The following PTPRK variants were observed in gnomAD, a reference collection of about 807,000 sequenced individuals.
PTPRK encodes the protein receptor-type tyrosine-protein phosphatase kappa.
In PTPRK, 75 loss-of-function variants were observed where a neutral mutation model predicts 178.0. The observed-to-expected ratio is 0.42, with a 90% CI of 0.35 to 0.51. The LOEUF is 0.51. Among genes scored for constraint, PTPRK ranks in the 20% least tolerant of loss-of-function variants. The pLI is 0.02. For missense variants in PTPRK, 1,441 were observed against 1,797.8 expected (o/e 0.80, Z 3.59); for synonymous variants, 637 against 620.6 (o/e 1.03, Z -0.39).
chr6:128,087,463 T>C (rs1017367256), intron 8 of PTPRK, among the ~76,000 whole-genome samples: 2 of 152,192 alleles, frequency 1.3e-5, no homozygotes, highest in African/African-American at 4.8e-5. Flanking sequence ...TTTGGAGCTA[T>C]TGAATCTGTA....
At chr6:128,260,429 C>T (rs549364438) in intron 3 of PTPRK, among the ~76,000 whole-genome samples, 70 of 152,114 alleles carry the variant, frequency 4.6e-4, no homozygotes, top group African/African-American at 1.6e-3. Flanking sequence ...GAGAAGATGG[C>T]CTTTATCATT....
chr6:128,130,002 TG>T (rs1793967572), intron 7 of PTPRK, among the ~76,000 whole-genome samples: 1 of 152,144 alleles, frequency 6.6e-6, no homozygotes, highest in South Asian at 2.1e-4. Flanking sequence ...TTGCCAGTTC[TG>T]AATGTACTAC....
At chr6:128,337,507 T>A (rs1831100605) in intron 2 of PTPRK, among the ~76,000 whole-genome samples, 1 of 152,172 alleles carries the variant, frequency 6.6e-6, no homozygotes, top group Non-Finnish European at 1.5e-5. Context: ...ACAATAAACT[T>A]ATCTCCCTTA....
At chr6:128,368,845 T>C (rs1312273264) in intron 2 of PTPRK, among the ~76,000 whole-genome samples, 1 of 152,144 alleles carries the variant, frequency 6.6e-6, no homozygotes, top group East Asian at 1.9e-4. Flanking sequence ...AATAATGGTC[T>C]TTAAAATTCA....
intron 3 of PTPRK, among the ~76,000 whole-genome samples, chr6:128,264,718 T>C (rs946315220): frequency 6.6e-6 from 1 of 152,254 alleles, no homozygotes; most frequent in East Asian, 1.9e-4. Flanking sequence ...GGTGTTAATA[T>C]GGTTTGGTTG....
intron 2 of PTPRK, among the ~76,000 whole-genome samples, chr6:128,396,581 A>T (rs939231581): frequency 1.3e-5 from 2 of 152,146 alleles, no homozygotes; most frequent in African/African-American, 4.8e-5. Flanking sequence ...AATGGTATGT[A>T]AATATTGACA....
rs565865790 is a variant in PTPRK at position 128,343,252 on chromosome 6, C to T, written c.224-20942G>A. Among the ~76,000 whole-genome samples, 16 of 152,104 alleles carry T rather than the reference C, an allele frequency of 1.1e-4. No individual in the cohort carries two copies. The South Asian group carries it at 3.3e-3, about 32-fold the overall frequency. Reference sequence around the variant, plus strand: ...GCGCAGTGGCTCACGCCTGTCCCAGCACTTTGGGAGGCTGAGGCAGGTGGA... The same window carrying T: ...GCGCAGTGGCTCACGCCTGTCCCAGTACTTTGGGAGGCTGAGGCAGGTGGA... On this transcript the variant is annotated intron_variant, in intron 2 of 29. Coordinates refer to ENST00000368226, the MANE Select transcript of PTPRK (RefSeq NM_002844.4).
At chr6:128,244,240 G>C (rs946766826) in intron 3 of PTPRK, among the ~76,000 whole-genome samples, 7 of 152,186 alleles carry the variant, frequency 4.6e-5, no homozygotes, top group Non-Finnish European at 8.8e-5. Flanking sequence ...TAACTAGATA[G>C]ATAGATTTGG....
intron 13 of PTPRK, among the ~76,000 whole-genome samples, chr6:128,018,244 C>T (rs1443030601): frequency 6.6e-6 from 1 of 151,964 alleles, no homozygotes; most frequent in Non-Finnish European, 1.5e-5. Context: ...GAATAGGTAA[C>T]ATATTAAAAA....
intron 5 of PTPRK, chr6:128,238,208 G>GAAAA (rs762121535): frequency 1.2e-5 from 3 of 255,146 alleles, no homozygotes; most frequent in Admixed American, 5.1e-5. Flanking sequence ...AAAAAGAAAA[G>GAAAA]AAAAAAAAAA....
intron 5 of PTPRK, among the ~76,000 whole-genome samples, chr6:128,223,437 G>C (rs1370171070): frequency 6.6e-6 from 1 of 151,690 alleles, no homozygotes; most frequent in African/African-American, 2.4e-5. Context: ...AGAGGCTGAG[G>C]GGTATACTTA....
chr6:128,355,210 C>G (rs1342235835), intron 2 of PTPRK, among the ~76,000 whole-genome samples: 1 of 152,104 alleles, frequency 6.6e-6, no homozygotes, highest in African/African-American at 2.4e-5. Context: ...CACTTACATG[C>G]AGAACAACTG....
At chr6:127,997,382 A>G (rs1777280455) in intron 16 of PTPRK, among the ~76,000 whole-genome samples, 1 of 152,104 alleles carries the variant, frequency 6.6e-6, no homozygotes, top group Non-Finnish European at 1.5e-5. Context: ...CATTTATAAC[A>G]GTAGAAAGAA....
At chr6:128,503,842 T>TGTGTG (rs1855908148) in intron 1 of PTPRK, among the ~76,000 whole-genome samples, 1 of 139,886 alleles carries the variant, frequency 7.1e-6, no homozygotes, top group African/African-American at 2.7e-5. Context: ...CTGGTTATTA[T>TGTGTG]TGTGTGTGTG....
At chr6:128,077,052 G>A (rs983434195) in intron 11 of PTPRK, among the ~76,000 whole-genome samples, 2 of 152,058 alleles carry the variant, frequency 1.3e-5, no homozygotes, top group African/African-American at 4.8e-5. Flanking sequence ...AATATGCTGT[G>A]TTTGCAACTT....
At position 128,202,560 on chromosome 6, in the gene PTPRK, C is replaced by T. The variant is rs9491926; in HGVS notation, c.868+16362G>A. Among the ~76,000 whole-genome samples the T allele has an allele frequency of 2.3e-3, 343 of 152,252 alleles. 1 individual carries two copies. Among genetic ancestry groups the T allele is most frequent in the African/African-American group, 7.9e-3 (330 of 41,556 alleles). On this transcript the variant is annotated intron_variant, in intron 6 of 29. Transcript: ENST00000368226. ...TGTTCTGCAGGCCCCACTTCGAGGG[C>T]ACTTCACAAGTTAAGACCAACTGGC...
intron 2 of PTPRK, among the ~76,000 whole-genome samples, chr6:128,331,453 T>C (rs1469989949): frequency 2.0e-5 from 3 of 152,078 alleles, no homozygotes; most frequent in Non-Finnish European, 4.4e-5. Context: ...TTTTTAAGTA[T>C]TGTTTTTTTT....
chr6:128,278,866 G>C (rs1277915726), intron 3 of PTPRK, among the ~76,000 whole-genome samples: 2 of 152,062 alleles, frequency 1.3e-5, no homozygotes, highest in Non-Finnish European at 2.9e-5. Flanking sequence ...TTCAAGTTCG[G>C]TTCAAATACC....
chr6:128,495,591 C>T (rs1024099582), intron 1 of PTPRK, among the ~76,000 whole-genome samples: 26 of 152,134 alleles, frequency 1.7e-4, no homozygotes, highest in African/African-American at 6.3e-4. Flanking sequence ...ATACCTTTAC[C>T]TGTACACTTC....
Sources: gnomAD v4.1 joint callset for allele counts (sites outside exome capture counted in the v4.1 genomes callset) on GRCh38, gnomAD v4.1.1 for gene constraint, MANE v1.5 for transcripts, NCBI Gene and HGNC (gene_info 2026-07-23, HGNC 2026-07-21) for gene names.